Variants in PRKCE observed in about 807,000 individuals in gnomAD.
The protein encoded by PRKCE is protein kinase C epsilon type.
A neutral mutation model predicts 85.4 loss-of-function variants in PRKCE; 16 were observed. The ratio of observed to expected loss-of-function variants is 0.19; its 90% CI spans 0.13 to 0.28. PRKCE has a LOEUF of 0.28. PRKCE is among the 10% of genes least tolerant of loss of function. PRKCE has a pLI of 1.00. For synonymous variants in PRKCE, 388 were observed against 371.5 expected (o/e 1.04, Z -0.51); for missense variants, 573 against 975.2 (o/e 0.59, Z 5.49).
chr2:45,960,720 T>G (rs1701317400), intron 2 of PRKCE, among the ~76,000 whole-genome samples: 2 of 152,178 alleles, frequency 1.3e-5, no homozygotes, highest in African/African-American at 4.8e-5. Context: ...ATGGTGCCTA[T>G]TATTTCTAAC....
At chr2:46,132,342 C>T (rs1386821447) in intron 11 of PRKCE, among the ~76,000 whole-genome samples, 2 of 152,206 alleles carry the variant, frequency 1.3e-5, no homozygotes, top group African/African-American at 4.8e-5. Flanking sequence ...TCACATATCA[C>T]ACCTAGTCAG....
At chr2:45,933,486 T>C (rs1699191715) in intron 2 of PRKCE, among the ~76,000 whole-genome samples, 1 of 138,022 alleles carries the variant, frequency 7.2e-6, no homozygotes, top group Admixed American at 7.1e-5. Flanking sequence ...TTTTTTTTTT[T>C]TTTTTGAGAC....
intron 2 of PRKCE, among the ~76,000 whole-genome samples, chr2:45,968,264 C>G (rs1188367546): frequency 1.3e-5 from 2 of 152,156 alleles, no homozygotes; most frequent in African/African-American, 4.8e-5. Context: ...CACACACACA[C>G]ACACCATGGA....
intron 10 of PRKCE, among the ~76,000 whole-genome samples, chr2:46,066,621 C>T (rs527257347): frequency 6.6e-5 from 10 of 152,282 alleles, no homozygotes; most frequent in Admixed American, 2.0e-4. Context: ...CTGTATATCT[C>T]GTAAATTTTC....
intron 6 of PRKCE, among the ~76,000 whole-genome samples, chr2:45,994,712 A>G (rs1170294441): frequency 6.6e-6 from 1 of 152,160 alleles, no homozygotes; most frequent in Non-Finnish European, 1.5e-5. Context: ...CTTGCTTTCA[A>G]GTTTTGGCAA....
At chr2:45,800,019 A>T (rs928918859) in intron 1 of PRKCE, among the ~76,000 whole-genome samples, 2 of 152,196 alleles carry the variant, frequency 1.3e-5, no homozygotes, top group Non-Finnish European at 2.9e-5. Context: ...AGGAAGGCTG[A>T]TATGTGGGTA....
chr2:45,822,053 G>A (rs77442241), intron 1 of PRKCE, among the ~76,000 whole-genome samples: 3,853 of 152,268 alleles, frequency 0.025, 88 homozygotes, highest in East Asian at 0.11. Context: ...AAGGGCCTGG[G>A]AGAGCAGGGT....
intron 1 of PRKCE, among the ~76,000 whole-genome samples, chr2:45,775,058 G>C (rs534156219): frequency 6.6e-6 from 1 of 152,162 alleles, no homozygotes; most frequent in Non-Finnish European, 1.5e-5. Flanking sequence ...TGGTTCCCAA[G>C]GGGGGCCTTG....
chr2:46,183,286 A>G (rs531162663), intron 14 of PRKCE, among the ~76,000 whole-genome samples: 1 of 152,368 alleles, frequency 6.6e-6, no homozygotes, highest in East Asian at 1.9e-4. Context: ...GTGCATAGCA[A>G]ATCTCCAAGA....
At chr2:46,109,743 T>C (rs929844593) in intron 11 of PRKCE, among the ~76,000 whole-genome samples, 4 of 152,092 alleles carry the variant, frequency 2.6e-5, no homozygotes, top group African/African-American at 9.7e-5. Context: ...CAATGTTGAA[T>C]AGGAATGGGG....
At chr2:45,801,420 G>A (rs113772862) in intron 1 of PRKCE, among the ~76,000 whole-genome samples, 2,353 of 152,218 alleles carry the variant, frequency 0.015, 32 homozygotes, top group Non-Finnish European at 0.023. Context: ...GCAAAAACGG[G>A]GACTGGGGCT....
At chr2:45,686,633 A>T (rs985114251) in intron 1 of PRKCE, among the ~76,000 whole-genome samples, 2 of 152,188 alleles carry the variant, frequency 1.3e-5, no homozygotes, top group Non-Finnish European at 2.9e-5. Context: ...CATAGTCAGG[A>T]TAAGTGAGAA....
At chr2:45,845,376 T>A (rs984161639) in intron 2 of PRKCE, 16 of 9,832 alleles carry the variant, frequency 1.6e-3, no homozygotes, top group Non-Finnish European at 3.7e-3. Context: ...GGACTAAGTA[T>A]TTTTTTTTTT....
chr2:45,926,283 GA>G (rs1428879231), intron 2 of PRKCE, among the ~76,000 whole-genome samples: 1 of 152,354 alleles, frequency 6.6e-6, no homozygotes, highest in East Asian at 1.9e-4. Flanking sequence ...AATATGGGCA[GA>G]GGGGGGAATC....
chr2:45,677,481 C>A (rs545451615), intron 1 of PRKCE, among the ~76,000 whole-genome samples: 152 of 152,092 alleles, frequency 1.0e-3, no homozygotes, highest in Admixed American at 2.6e-3. Context: ...CTCAGCCTCC[C>A]GAGTAGCTGG....
At chr2:46,026,030 T>G (rs745547913) in intron 10 of PRKCE, among the ~76,000 whole-genome samples, 2 of 152,258 alleles carry the variant, frequency 1.3e-5, no homozygotes, top group Non-Finnish European at 2.9e-5. Flanking sequence ...TCAATAGATA[T>G]GATTCTTGTG....
chr2:45,866,909 T>C (rs1023255589), intron 2 of PRKCE, among the ~76,000 whole-genome samples: 1 of 152,208 alleles, frequency 6.6e-6, no homozygotes, highest in Admixed American at 6.5e-5. Flanking sequence ...GCTGGGTGAT[T>C]GGAGCTCTTG....
At position 46,068,236 on chromosome 2, in the gene PRKCE, A is replaced by G. The variant is rs1037097712; in HGVS notation, c.1438-17972A>G. Among the ~76,000 whole-genome samples the G allele has an allele frequency of 1.3e-5, 2 of 152,194 alleles. No homozygotes were observed. Among genetic ancestry groups the G allele is most frequent in the East Asian group, 1.9e-4 (1 of 5,198 alleles). Reference sequence around the variant, plus strand: ...TGGTGAGCCACTTGAGTCATAGGCTATCTAACTTACGAGCATGCCTACTCT... The same window carrying G: ...TGGTGAGCCACTTGAGTCATAGGCTGTCTAACTTACGAGCATGCCTACTCT... On this transcript the variant is annotated intron_variant, in intron 10 of 14. Coordinates refer to ENST00000306156, the MANE Select transcript of PRKCE (RefSeq NM_005400.3). The surrounding 1 kb of genome is among the most constrained non-coding windows in gnomAD (Gnocchi z 4.3).
intron 11 of PRKCE, among the ~76,000 whole-genome samples, chr2:46,099,270 C>T (rs922531463): frequency 6.6e-6 from 1 of 152,032 alleles, no homozygotes; most frequent in African/African-American, 2.4e-5. Context: ...CTCTTTCTAC[C>T]CCACAAGATG....
Sources: gnomAD v4.1 joint callset for allele counts (sites outside exome capture counted in the v4.1 genomes callset) on GRCh38, gnomAD v4.1.1 for gene constraint, Gnocchi (gnomAD v3.1) non-coding constraint, MANE v1.5 for transcripts, NCBI Gene and HGNC (gene_info 2026-07-23, HGNC 2026-07-21) for gene names.